The following GLIS3 variants were observed in gnomAD, a reference collection of about 807,000 sequenced individuals.
GLIS3 encodes the protein zinc finger protein GLIS3.
A neutral mutation model predicts 78.6 loss-of-function variants in GLIS3; 53 were observed. The observed-to-expected ratio is 0.67, with a 90% CI of 0.54 to 0.85. The LOEUF (loss-of-function observed/expected upper bound fraction) is 0.85. Ranked by LOEUF, GLIS3 falls within the 40% of genes least tolerant of loss-of-function variation. The pLI is 0.00. For synonymous variants in GLIS3, 684 were observed against 509.9 expected (o/e 1.34, Z -4.60); for missense variants, 1,703 against 1,231.1 (o/e 1.38, Z -5.74).
At chr9:4,235,570 C>T (rs577562881) in intron 2 of GLIS3, among the ~76,000 whole-genome samples, 10 of 152,236 alleles carry the variant, frequency 6.6e-5, no homozygotes, top group South Asian at 2.1e-4. Context: ...TTACTCCTAC[C>T]GGCTCTAGAC....
intron 4 of GLIS3, among the ~76,000 whole-genome samples, chr9:3,987,226 C>T (rs985488270): frequency 1.3e-5 from 2 of 151,784 alleles, no homozygotes; most frequent in Admixed American, 6.6e-5. Context: ...TGAGAGAGGA[C>T]AAAATTAGTG....
At chr9:4,034,334 G>A (rs1163514118) in intron 4 of GLIS3, among the ~76,000 whole-genome samples, 1 of 152,104 alleles carries the variant, frequency 6.6e-6, no homozygotes, top group African/African-American at 2.4e-5. Flanking sequence ...ATCAAAAGCA[G>A]GATTCCATAA....
At chr9:4,014,046 A>C (rs550215610) in intron 4 of GLIS3, among the ~76,000 whole-genome samples, 1 of 152,146 alleles carries the variant, frequency 6.6e-6, no homozygotes, top group South Asian at 2.1e-4. Context: ...AGGCAGACAA[A>C]TTGCAGAAGA....
intron 2 of GLIS3, among the ~76,000 whole-genome samples, chr9:4,318,672 T>G (rs1043924366): frequency 1.3e-5 from 2 of 152,302 alleles, no homozygotes; most frequent in Non-Finnish European, 2.9e-5. Flanking sequence ...GAAACCTCTT[T>G]TTTACAGTGA....
At chr9:4,309,821 T>TA (rs1170023766) in intron 3 of GLIS3, among the ~76,000 whole-genome samples, 1 of 152,190 alleles carries the variant, frequency 6.6e-6, no homozygotes, top group Non-Finnish European at 1.5e-5. Context: ...AGCGCTGGGA[T>TA]AACTCCGAAA....
intron 7 of GLIS3, among the ~76,000 whole-genome samples, chr9:3,887,024 T>G (rs1361893694): frequency 2.6e-5 from 4 of 152,238 alleles, no homozygotes; most frequent in African/African-American, 9.6e-5. Context: ...AAGTAGCTTC[T>G]TAAGGGTTGG....
intron 2 of GLIS3, among the ~76,000 whole-genome samples, chr9:4,341,065 C>A (rs7039146): frequency 7.2e-5 from 11 of 152,202 alleles, no homozygotes; most frequent in Admixed American, 3.9e-4. Flanking sequence ...TTTCTTCCCT[C>A]TAATCCAAAT....
At chr9:4,169,227 G>A (rs543667935) in intron 2 of GLIS3, among the ~76,000 whole-genome samples, 9 of 152,092 alleles carry the variant, frequency 5.9e-5, no homozygotes, top group Non-Finnish European at 1.3e-4. Context: ...GAAAGCATGA[G>A]GAAAGTCATC....
intron 2 of GLIS3, among the ~76,000 whole-genome samples, chr9:4,189,911 C>A (rs1394338300): frequency 6.6e-6 from 1 of 151,764 alleles, no homozygotes; most frequent in Admixed American, 6.6e-5. Context: ...CTGCTGATAC[C>A]CAGGCAAACA....
chr9:4,431,156 G>C, the GLIS3 span, among the ~76,000 whole-genome samples: 196 of 152,268 alleles, frequency 1.3e-3, 2 homozygotes, highest in Non-Finnish European at 2.4e-4. Flanking sequence ...AAGTTATTTT[G>C]TGGAGCACAT....
the GLIS3 span, among the ~76,000 whole-genome samples, chr9:4,373,717 G>A: frequency 2.1e-5 from 3 of 145,788 alleles, no homozygotes; most frequent in Admixed American, 1.4e-4. Context: ...CGCCCAGGCT[G>A]TAGTGCAATG....
At chr9:4,092,865 T>C (rs1367138448) in intron 4 of GLIS3, among the ~76,000 whole-genome samples, 1 of 152,268 alleles carries the variant, frequency 6.6e-6, no homozygotes, top group Non-Finnish European at 1.5e-5. Flanking sequence ...TCAAGTATTA[T>C]GTGCTGTACA....
intron 4 of GLIS3, among the ~76,000 whole-genome samples, chr9:4,031,117 T>C (rs1720975177): frequency 1.3e-5 from 2 of 152,170 alleles, no homozygotes; most frequent in Non-Finnish European, 2.9e-5. Context: ...ATAGAATTAC[T>C]ATATGACCCG....
chr9:4,141,318 G>C (rs1440400894), intron 2 of GLIS3, among the ~76,000 whole-genome samples: 1 of 152,164 alleles, frequency 6.6e-6, no homozygotes, highest in East Asian at 1.9e-4. Context: ...GGGGTAAAAG[G>C]TATGGCTGCC....
At chr9:4,273,059 T>G (rs534823635) in intron 2 of GLIS3, among the ~76,000 whole-genome samples, 2 of 152,226 alleles carry the variant, frequency 1.3e-5, no homozygotes, top group Non-Finnish European at 2.9e-5. Context: ...ACTGAAAATA[T>G]AGAGCTTTTA....
chr9:4,264,208 G>A (rs1452280560), intron 2 of GLIS3, among the ~76,000 whole-genome samples: 1 of 152,104 alleles, frequency 6.6e-6, no homozygotes, highest in African/African-American at 2.4e-5. Context: ...ACACCTAGAG[G>A]TATTCACTGA....
intron 3 of GLIS3, among the ~76,000 whole-genome samples, chr9:4,310,003 G>A (rs1174730887): frequency 2.0e-5 from 3 of 152,226 alleles, no homozygotes; most frequent in East Asian, 1.9e-4. Flanking sequence ...AACGCAAACA[G>A]CATTTGGCTT....
At chr9:3,829,775 A>G (rs1817941673) in intron 9 of GLIS3, among the ~76,000 whole-genome samples, 1 of 152,186 alleles carries the variant, frequency 6.6e-6, no homozygotes, top group Non-Finnish European at 1.5e-5. Flanking sequence ...CTCTCTGAAG[A>G]GTCCTGGACA....
chr9:3,954,456 G>A lies in GLIS3; in HGVS notation c.1711-17267C>T, dbSNP rs118065378. On this transcript the variant is annotated intron_variant, in intron 4 of 10. Transcript: ENST00000381971. ...TGCAGTAACAGAATAGCTGCCCCGT[G>A]GTTAAAGAGAAATGATTACAGAAAA... Among the ~76,000 whole-genome samples the A allele has an allele frequency of 8.9e-4, 136 of 152,286 alleles. No individual in the cohort carries two copies. The South Asian group carries it at 0.016, about 18-fold the overall frequency.
Sources: allele counts gnomAD v4.1 joint callset (sites outside exome capture counted in the v4.1 genomes callset), GRCh38; gene constraint gnomAD v4.1.1; transcripts MANE v1.5; gene names NCBI Gene and HGNC (gene_info 2026-07-23, HGNC 2026-07-21).